TBC1D22A: variants seen among roughly 807,000 people sequenced by gnomAD.
The protein encoded by TBC1D22A is TBC1 domain family member 22A.
In TBC1D22A, 38 loss-of-function variants were observed where a neutral mutation model predicts 60.2. The ratio of observed to expected loss-of-function variants is 0.63; its 90% CI spans 0.49 to 0.83. The LOEUF is 0.83. Ranked by LOEUF, TBC1D22A falls within the 40% of genes least tolerant of loss-of-function variation. The probability of loss-of-function intolerance (pLI) is 0.00; values close to 1 mark genes in which losing one functional copy is unlikely to be tolerated. For synonymous variants in TBC1D22A, 302 were observed against 281.7 expected, an observed-to-expected ratio of 1.07 and a Z score of -0.72; for missense variants, 628 against 701.0, an observed-to-expected ratio of 0.90 and a Z score of 1.18.
At chr22:47,036,725 T>G (rs956004532) in intron 10 of TBC1D22A, among the ~76,000 whole-genome samples, 3 of 152,146 alleles carry the variant, frequency 2.0e-5, no homozygotes, top group African/African-American at 7.2e-5. Flanking sequence ...CTGTGGAGCT[T>G]CTGTGGAGCG....
At chr22:46,860,862 G>A (rs2087838627) in intron 4 of TBC1D22A, among the ~76,000 whole-genome samples, 1 of 152,252 alleles carries the variant, frequency 6.6e-6, no homozygotes, top group Non-Finnish European at 1.5e-5. Context: ...TTGAGTGGGG[G>A]TTACAGGGTG....
intron 7 of TBC1D22A, among the ~76,000 whole-genome samples, chr22:46,910,266 T>C (rs972770812): frequency 6.6e-6 from 1 of 152,062 alleles, no homozygotes; most frequent in Non-Finnish European, 1.5e-5. Flanking sequence ...GCCTGGACTT[T>C]AGGGCTGGTC....
intron 8 of TBC1D22A, among the ~76,000 whole-genome samples, chr22:46,949,591 C>T (rs9616173): frequency 0.056 from 8,515 of 152,276 alleles, 352 homozygotes; most frequent in Non-Finnish European, 0.088. Context: ...CAGATGGAAG[C>T]GTCTGAATGG....
rs1184705404 is a variant in TBC1D22A, at chr22:47,144,138, C to T, written c.1426-29360C>T. The stretch of plus-strand genomic sequence containing the variant: ...TTCCCAAACACCAGGGAAAGGGTGT[C>T]CCAAAATATCACTGTCTCTCTAGAG... On this transcript the variant is annotated intron_variant, in intron 12 of 12. Transcript: ENST00000337137. Among the ~76,000 whole-genome samples the T allele has an allele frequency of 5.9e-5, 9 of 152,260 alleles. No homozygotes were observed. In the South Asian group the frequency reaches 1.4e-3, roughly 25 times the overall value.
chr22:46,943,540 C>T (rs759235939), intron 8 of TBC1D22A, among the ~76,000 whole-genome samples: 1 of 152,302 alleles, frequency 6.6e-6, no homozygotes, highest in South Asian at 2.1e-4. Flanking sequence ...GGGAATAAAC[C>T]CCTCCTCTCT....
chr22:47,008,326 C>T (rs547619952), intron 10 of TBC1D22A, among the ~76,000 whole-genome samples: 2 of 152,302 alleles, frequency 1.3e-5, no homozygotes, highest in East Asian at 1.9e-4. Context: ...TTTTCTCAGC[C>T]CTCTCCATTC....
chr22:46,863,744 T>A (rs2066919917), intron 4 of TBC1D22A, among the ~76,000 whole-genome samples: 1 of 152,210 alleles, frequency 6.6e-6, no homozygotes. Flanking sequence ...AGTCCCCATG[T>A]CTCTGTCGGC....
At chr22:47,047,818 C>G (rs1337814061) in intron 11 of TBC1D22A, among the ~76,000 whole-genome samples, 1 of 152,236 alleles carries the variant, frequency 6.6e-6, no homozygotes, top group Non-Finnish European at 1.5e-5. Context: ...TCTCCAGGCT[C>G]CTGCCGTCTG....
At chr22:46,839,543 A>G (rs6008984) in intron 4 of TBC1D22A, among the ~76,000 whole-genome samples, 67,475 of 151,958 alleles carry the variant, frequency 0.44, 15,006 homozygotes, top group African/African-American at 0.48. Context: ...TACACATAGG[A>G]CAATCTCTAT....
intron 12 of TBC1D22A, among the ~76,000 whole-genome samples, chr22:47,130,210 A>G (rs1463966224): frequency 6.6e-6 from 1 of 152,136 alleles, no homozygotes; most frequent in East Asian, 1.9e-4. Flanking sequence ...TCCCCACCAG[A>G]CAGGTTACCG....
At chr22:47,017,059 G>A (rs2061932715) in intron 10 of TBC1D22A, among the ~76,000 whole-genome samples, 1 of 152,242 alleles carries the variant, frequency 6.6e-6, no homozygotes, top group African/African-American at 2.4e-5. Flanking sequence ...TGGCCGTGAG[G>A]AAAAGCTTTT....
chr22:46,838,467 A>T (rs543276878), intron 4 of TBC1D22A, among the ~76,000 whole-genome samples: 2 of 152,370 alleles, frequency 1.3e-5, no homozygotes, highest in African/African-American at 4.8e-5. Context: ...TCACTGGTGA[A>T]TTCTACCAAA....
intron 1 of TBC1D22A, among the ~76,000 whole-genome samples, chr22:46,791,721 A>G (rs1189804916): frequency 6.6e-6 from 1 of 152,080 alleles, no homozygotes; most frequent in Non-Finnish European, 1.5e-5. Flanking sequence ...CAGTTTTCCA[A>G]ATTTACTCTG....
chr22:47,063,382 G>C (rs1258989956), intron 11 of TBC1D22A, among the ~76,000 whole-genome samples: 1 of 152,138 alleles, frequency 6.6e-6, no homozygotes, highest in South Asian at 2.1e-4. Flanking sequence ...TGGAAGTTAG[G>C]CCCGGCCTCG....
intron 6 of TBC1D22A, 115 bp downstream of exon 6, chr22:46,891,509 G>A: frequency 1.8e-6 from 2 of 1,115,450 alleles, no homozygotes; most frequent in South Asian, 2.3e-5. Context: ...AAAGATGCAG[G>A]TCCCTGATTA....
chr22:46,855,843 G>A (rs1317833740), intron 4 of TBC1D22A, among the ~76,000 whole-genome samples: 3 of 152,192 alleles, frequency 2.0e-5, no homozygotes, highest in Admixed American at 6.5e-5. Context: ...GTAGGGGACT[G>A]TGGGATTATG....
At chr22:46,919,881 C>G (rs767948718) in intron 8 of TBC1D22A, among the ~76,000 whole-genome samples, 1 of 152,140 alleles carries the variant, frequency 6.6e-6, no homozygotes, top group African/African-American at 2.4e-5. Flanking sequence ...TTCCCCGGTG[C>G]TGCTGTTTTC....
intron 4 of TBC1D22A, among the ~76,000 whole-genome samples, chr22:46,832,370 G>C (rs1166274735): frequency 2.0e-5 from 3 of 152,254 alleles, no homozygotes; most frequent in Non-Finnish European, 4.4e-5. Context: ...GTTGGCTGGG[G>C]CCGGGCGCAG....
intron 8 of TBC1D22A, among the ~76,000 whole-genome samples, chr22:46,916,787 G>A (rs1158698516): frequency 1.3e-5 from 2 of 152,244 alleles, no homozygotes; most frequent in Non-Finnish European, 2.9e-5. Context: ...AGACAGTGAA[G>A]TCCAGTAAAT....
Sources: allele counts gnomAD v4.1 joint callset (sites outside exome capture counted in the v4.1 genomes callset), GRCh38; gene constraint gnomAD v4.1.1; transcripts MANE v1.5; gene names NCBI Gene and HGNC (gene_info 2026-07-23, HGNC 2026-07-21).